SLC17A8: variants seen among roughly 807,000 people sequenced by gnomAD.
SLC17A8 encodes solute carrier family 17 member 8, also known as vesicular glutamate transporter 3.
A neutral mutation model predicts 58.0 loss-of-function variants in SLC17A8; 31 were observed. That is an observed-to-expected ratio of 0.53 (90% CI 0.40 to 0.72). The LOEUF is 0.72. Among genes scored for constraint, SLC17A8 ranks in the 30% least tolerant of loss-of-function variants. The probability of loss-of-function intolerance (pLI) is 0.00; values close to 1 mark genes in which losing one functional copy is unlikely to be tolerated. For synonymous variants in SLC17A8, 228 were observed against 249.0 expected (o/e 0.92, Z 0.79); for missense variants, 655 against 727.8 (o/e 0.90, Z 1.15).
chr12:100,418,512 T>C (rs1489653837), intron 11 of SLC17A8, among the ~76,000 whole-genome samples: 1 of 152,238 alleles, frequency 6.6e-6, no homozygotes, highest in Non-Finnish European at 1.5e-5. Context: ...TTAAACCTTA[T>C]AGCCTATTTC....
At chr12:100,419,396 T>C (rs1773286523) in intron 11 of SLC17A8, among the ~76,000 whole-genome samples, 2 of 152,028 alleles carry the variant, frequency 1.3e-5, no homozygotes, top group South Asian at 4.2e-4. Context: ...TAGCCAGGCG[T>C]GGTGGCGGGC....
intron 1 of SLC17A8, among the ~76,000 whole-genome samples, chr12:100,378,171 G>A (rs1362662242): frequency 6.6e-6 from 1 of 152,110 alleles, no homozygotes; most frequent in African/African-American, 2.4e-5. Flanking sequence ...GCATTCTAGT[G>A]TATATAGGTT....
chr12:100,412,592 TAA>T (rs57500563), intron 9 of SLC17A8, among the ~76,000 whole-genome samples, 176 bp from the exon 10 acceptor site: 30 of 72,018 alleles, frequency 4.2e-4, no homozygotes, highest in Non-Finnish European at 3.7e-4. Flanking sequence ...CAAGTAAAGT[TAA>T]AAAAAAAAAA....
intron 2 of SLC17A8, among the ~76,000 whole-genome samples, chr12:100,387,720 A>G (rs1463414595): frequency 1.3e-5 from 2 of 152,178 alleles, no homozygotes; most frequent in Non-Finnish European, 1.5e-5. Flanking sequence ...CAAGCAATAG[A>G]AAGAATATCG....
At chr12:100,390,770 TCCC>T (rs1952710107) in intron 2 of SLC17A8, among the ~76,000 whole-genome samples, 1 of 151,858 alleles carries the variant, frequency 6.6e-6, no homozygotes, top group East Asian at 1.9e-4. Context: ...CAGGCTGAGG[TCCC>T]ACCTCAGCCT....
chr12:100,363,482 C>T (rs534195143), intron 1 of SLC17A8, among the ~76,000 whole-genome samples: 1 of 152,226 alleles, frequency 6.6e-6, no homozygotes, highest in Admixed American at 6.5e-5. Context: ...ATTCTCCTGC[C>T]TCAGCCTCCT....
Position 100,377,759 on chromosome 12 carries a change from T to C in SLC17A8, c.102-2942T>C, listed in dbSNP as rs568924118. Reference sequence around the variant, plus strand: ...GCGTGCCACCACGGCCAGCTAATTTTTGTATTTTTAGTAGAGACGGAGTTT... The same window carrying C: ...GCGTGCCACCACGGCCAGCTAATTTCTGTATTTTTAGTAGAGACGGAGTTT... On this transcript the variant is annotated intron_variant, in intron 1 of 11. Coordinates refer to ENST00000323346, the MANE Select transcript of SLC17A8 (RefSeq NM_139319.3). Among the ~76,000 whole-genome samples the C allele has an allele frequency of 4.6e-5, 7 of 151,986 alleles. No homozygotes were observed. The East Asian group carries it at 1.4e-3, about 30-fold the overall frequency.
In SLC17A8 at chr12:100,420,627, C is replaced by T. The variant is rs1019321882; in HGVS notation, c.*468C>T. On this transcript the variant is annotated 3_prime_UTR_variant, in exon 12 of 12. Transcript: ENST00000323346. ...AAACACTCTTATTTAATCTCCACACCTTTATGACACACATTTCTTATCCCC... is the reference window on the plus strand; with the variant it reads ...AAACACTCTTATTTAATCTCCACACTTTTATGACACACATTTCTTATCCCC... 1 of 163,916 alleles carries T rather than the reference C, an allele frequency of 6.1e-6. No homozygotes were observed. The highest frequency in any genetic ancestry group is 1.4e-5 in the Non-Finnish European group (1 of 73,998). The allele number at this position is 163,916 out of a possible 1,614,324, so 10.2% of individuals were successfully genotyped here.
chr12:100,403,475 A>G lies in SLC17A8; in HGVS notation c.1054-563A>G, dbSNP rs539767113. 2.5e-4 allele frequency among the ~76,000 whole-genome samples: 38 copies of G among 152,250 alleles called. No individual in the cohort carries two copies. The South Asian group carries it at 5.6e-3, about 22-fold the overall frequency. On this transcript the variant is annotated intron_variant, in intron 8 of 11. Transcript: ENST00000323346. Reference sequence around the variant, plus strand: ...CAGAGCAAGACTCTGTCTAAAAAAAAAAAAGAAGAAGAAAAAATAAACAGA... The same window carrying G: ...CAGAGCAAGACTCTGTCTAAAAAAAGAAAAGAAGAAGAAAAAATAAACAGA...
At chr12:100,391,191 G>C in intron 3 of SLC17A8, 72 bp downstream of exon 3, 1 of 1,088,220 alleles carries the variant, frequency 9.2e-7, no homozygotes. Context: ...CTGCATAGCT[G>C]GCTCTCAATT....
chr12:100,369,254 C>T (rs1952543224), intron 1 of SLC17A8, among the ~76,000 whole-genome samples: 1 of 152,062 alleles, frequency 6.6e-6, no homozygotes, highest in African/African-American at 2.4e-5. Flanking sequence ...CCAGCCTGGG[C>T]AACAGAGCAA....
chr12:100,419,016 T>C (rs1383748548), intron 11 of SLC17A8, among the ~76,000 whole-genome samples: 5 of 152,222 alleles, frequency 3.3e-5, no homozygotes, highest in Non-Finnish European at 4.4e-5. Context: ...CCATTATTTT[T>C]TGACATACTT....
chr12:100,372,501 C>A (rs896951096), intron 1 of SLC17A8, among the ~76,000 whole-genome samples: 6 of 152,182 alleles, frequency 3.9e-5, no homozygotes, highest in African/African-American at 1.2e-4. Context: ...GCATCCATGC[C>A]ACCACACCTG....
intron 11 of SLC17A8, among the ~76,000 whole-genome samples, chr12:100,419,403 G>A (rs1396874398): frequency 2.0e-5 from 3 of 151,858 alleles, no homozygotes; most frequent in Admixed American, 6.6e-5. Flanking sequence ...GCGTGGTGGC[G>A]GGCACCTGTA....
chr12:100,373,478 T>G (rs1952572715), intron 1 of SLC17A8, among the ~76,000 whole-genome samples: 1 of 152,114 alleles, frequency 6.6e-6, no homozygotes. Flanking sequence ...AAGGATTCAT[T>G]GCTTCCAGGC....
At chr12:100,412,269 C>T (rs924732679) in intron 9 of SLC17A8, among the ~76,000 whole-genome samples, 5 of 152,060 alleles carry the variant, frequency 3.3e-5, no homozygotes, top group Admixed American at 3.3e-4. Flanking sequence ...TCATGAAAGT[C>T]CTGGGTGGCA....
chr12:100,378,311 T>C (rs1952608861), intron 1 of SLC17A8, among the ~76,000 whole-genome samples: 1 of 152,156 alleles, frequency 6.6e-6, no homozygotes. Context: ...TGCTGCTAGG[T>C]TGATTAAATC....
intron 9 of SLC17A8, 107 bp from the exon 10 acceptor site, chr12:100,412,663 A>C: frequency 1.3e-6 from 1 of 779,342 alleles, no homozygotes; most frequent in Non-Finnish European, 2.3e-6. Flanking sequence ...AAACAAAATA[A>C]ACTTAGGTCT....
At chr12:100,399,366 G>T (rs1294681075) in intron 5 of SLC17A8, among the ~76,000 whole-genome samples, 1 of 152,156 alleles carries the variant, frequency 6.6e-6, no homozygotes, top group Non-Finnish European at 1.5e-5. Flanking sequence ...TGTCTAAAAG[G>T]ATGAGGAAGA....
Sources: gnomAD v4.1 joint callset for allele counts (sites outside exome capture counted in the v4.1 genomes callset) on GRCh38, gnomAD v4.1.1 for gene constraint, MANE v1.5 for transcripts, NCBI Gene and HGNC (gene_info 2026-07-23, HGNC 2026-07-21) for gene names.